The following OPN5 variants were observed in gnomAD, a reference collection of about 807,000 sequenced individuals.
OPN5 encodes the protein opsin 5.
OPN5 carries 18 observed loss-of-function variants against 41.7 expected under a neutral mutation model. The ratio of observed to expected loss-of-function variants is 0.43; its 90% CI spans 0.30 to 0.64. OPN5 has a LOEUF of 0.64. Among genes scored for constraint, OPN5 ranks in the 30% least tolerant of loss-of-function variants. OPN5 has a pLI of 0.13. For missense variants in OPN5, 318 were observed against 434.5 expected (o/e 0.73, Z 2.38); for synonymous variants, 178 against 164.3 (o/e 1.08, Z -0.64).
chr6:47,804,569 G>A (rs1446401669), intron 4 of OPN5, among the ~76,000 whole-genome samples: 1 of 152,112 alleles, frequency 6.6e-6, no homozygotes, highest in Non-Finnish European at 1.5e-5. Context: ...ACATTTAAAT[G>A]TTTAATATTT....
At chr6:47,820,610 C>T (rs1038867796) in intron 6 of OPN5, among the ~76,000 whole-genome samples, 15 of 152,156 alleles carry the variant, frequency 9.9e-5, no homozygotes, top group East Asian at 5.8e-4. Flanking sequence ...CTTGGCTTTT[C>T]GGATAAGGGA....
At chr6:47,808,941 G>C (rs1774083283) in intron 5 of OPN5, among the ~76,000 whole-genome samples, 1 of 152,178 alleles carries the variant, frequency 6.6e-6, no homozygotes, top group Non-Finnish European at 1.5e-5. Flanking sequence ...GTTCAAGTAA[G>C]GTTAAAGTTA....
intron 6 of OPN5, among the ~76,000 whole-genome samples, chr6:47,812,926 G>C (rs149378567): frequency 3.7e-4 from 56 of 152,238 alleles, no homozygotes; most frequent in Admixed American, 1.9e-3. Context: ...CTCCTCCAAG[G>C]CTCAACCTCA....
intron 6 of OPN5, among the ~76,000 whole-genome samples, chr6:47,813,774 A>G (rs1365098893): frequency 6.6e-6 from 1 of 152,130 alleles, no homozygotes; most frequent in East Asian, 1.9e-4. Context: ...TTTAGGTTTA[A>G]AATATTTTAA....
At chr6:47,795,350 C>G in exon 4 of OPN5, 12 of 1,614,170 alleles carry the variant, frequency 7.4e-6, no homozygotes, top group Non-Finnish European at 1.0e-5. Flanking sequence ...CCTTCGGAAC[C>G]TCGTGCACCC....
chr6:47,786,209 C>G (rs1773185631), intron 1 of OPN5, among the ~76,000 whole-genome samples: 1 of 152,154 alleles, frequency 6.6e-6, no homozygotes, highest in African/African-American at 2.4e-5. Flanking sequence ...GGAAAGTACT[C>G]CACTCTGGGG....
chr6:47,819,399 T>TATATATATATATAA (rs1484297411), intron 6 of OPN5, among the ~76,000 whole-genome samples: 62 of 128,600 alleles, frequency 4.8e-4, no homozygotes, highest in African/African-American at 1.1e-3. Flanking sequence ...TATATATATA[T>TATATATATATATAA]AAAACAGTAT....
intron 6 of OPN5, among the ~76,000 whole-genome samples, chr6:47,815,085 A>G (rs1286163686): frequency 6.6e-6 from 1 of 152,176 alleles, no homozygotes; most frequent in Non-Finnish European, 1.5e-5. Flanking sequence ...TGCCCTACTA[A>G]CTTGAAAAGT....
chr6:47,804,032 T>C (rs187381612), intron 4 of OPN5, among the ~76,000 whole-genome samples: 2 of 152,372 alleles, frequency 1.3e-5, no homozygotes. Context: ...ATTATTCGAT[T>C]ATTGCTTTAA....
chr6:47,789,637 A>G (rs1014598211), intron 2 of OPN5, among the ~76,000 whole-genome samples: 4 of 152,200 alleles, frequency 2.6e-5, no homozygotes, highest in Non-Finnish European at 4.4e-5. Context: ...AGCAAGCTGA[A>G]AGATGGCACT....
At chr6:47,823,456 T>G (rs1762697916) in intron 6 of OPN5, 1 of 154,086 alleles carries the variant, frequency 6.5e-6, no homozygotes, top group Non-Finnish European at 1.4e-5. Context: ...CTTATCTATT[T>G]CAGGACAGAT....
intron 4 of OPN5, among the ~76,000 whole-genome samples, chr6:47,804,954 A>AT (rs1283783264): frequency 6.6e-6 from 1 of 152,324 alleles, no homozygotes; most frequent in East Asian, 1.9e-4. Flanking sequence ...GTGCTAATCT[A>AT]TTTTTTGTCA....
At chr6:47,815,323 G>A (rs1762398137) in intron 6 of OPN5, among the ~76,000 whole-genome samples, 1 of 151,940 alleles carries the variant, frequency 6.6e-6, no homozygotes, top group Non-Finnish European at 1.5e-5. Context: ...ATGACCTTTA[G>A]CAACCTGAGC....
intron 6 of OPN5, among the ~76,000 whole-genome samples, chr6:47,816,992 C>T (rs1033692276): frequency 4.6e-5 from 7 of 152,024 alleles, no homozygotes; most frequent in African/African-American, 9.7e-5. Flanking sequence ...GGGAGATGTT[C>T]AAGCTGTTTG....
intron 4 of OPN5, among the ~76,000 whole-genome samples, chr6:47,805,265 T>C (rs1273736607): frequency 6.6e-6 from 1 of 152,150 alleles, no homozygotes; most frequent in Non-Finnish European, 1.5e-5. Context: ...CGTGTGCACA[T>C]TGGGACTTGA....
intron 6 of OPN5, among the ~76,000 whole-genome samples, chr6:47,812,393 C>T (rs1354620565): frequency 1.3e-5 from 2 of 152,168 alleles, no homozygotes; most frequent in Non-Finnish European, 2.9e-5. Flanking sequence ...GTGGATGTAA[C>T]AGGGCATTAT....
At chr6:47,788,827 T>A (rs1773278431) in intron 2 of OPN5, among the ~76,000 whole-genome samples, 1 of 147,906 alleles carries the variant, frequency 6.8e-6, no homozygotes, top group African/African-American at 2.5e-5. Context: ...GTGGTGGTGT[T>A]AAAAATATGT....
chr6:47,782,049 T>G (rs1773105033), exon 1 of OPN5: 1 of 1,611,178 alleles, frequency 6.2e-7, no homozygotes, highest in African/African-American at 1.3e-5. Context: ...TTCAGATCCC[T>G]CGTGGTTCGA....
At chr6:47,807,882 G>A (rs116174091) in intron 4 of OPN5, among the ~76,000 whole-genome samples, 1,588 of 151,102 alleles carry the variant, frequency 0.011, 34 homozygotes, top group African/African-American at 0.037. Flanking sequence ...ACAGCTATTT[G>A]AGGGTTATAT....
Sources: gnomAD v4.1 joint callset for allele counts (sites outside exome capture counted in the v4.1 genomes callset) on GRCh38, gnomAD v4.1.1 for gene constraint, MANE v1.5 for transcripts, NCBI Gene and HGNC (gene_info 2026-07-23, HGNC 2026-07-21) for gene names.